The following MED15 variants were observed in gnomAD, a reference collection of about 807,000 sequenced individuals.
MED15 encodes mediator of RNA polymerase II transcription subunit 15.
In MED15, 41 loss-of-function variants were observed where a neutral mutation model predicts 118.7. The observed-to-expected ratio is 0.35, with a 90% CI of 0.27 to 0.45. MED15 has a LOEUF of 0.45. MED15 is among the 20% of genes least tolerant of loss of function. The probability of loss-of-function intolerance (pLI) is 1.00; values close to 1 mark genes in which losing one functional copy is unlikely to be tolerated. For missense variants in MED15, 740 were observed against 1,025.5 expected (o/e 0.72, Z 3.80); for synonymous variants, 436 against 413.9 (o/e 1.05, Z -0.65).
At chr22:20,533,568 T>TGGAGGAGCGCCTTGCC (rs1569187329) in intron 1 of MED15, among the ~76,000 whole-genome samples, 2 of 152,152 alleles carry the variant, frequency 1.3e-5, no homozygotes, top group African/African-American at 4.8e-5. Context: ...GTAGCCTTGC[T>TGGAGGAGCGCCTTGCC]GGAGGAGCGC....
At chr22:20,571,063 C>G (rs1327085191) in intron 8 of MED15, among the ~76,000 whole-genome samples, 1 of 152,132 alleles carries the variant, frequency 6.6e-6, no homozygotes, top group Non-Finnish European at 1.5e-5. Flanking sequence ...CCCAGCCGAA[C>G]TTTCCTTTTC....
chr22:20,509,589 G>A (rs188374139), intron 1 of MED15, among the ~76,000 whole-genome samples: 112 of 152,028 alleles, frequency 7.4e-4, no homozygotes, highest in African/African-American at 2.6e-3. Context: ...GAGGGGGGTG[G>A]GGTGTGGGGT....
At chr22:20,549,123 C>T (rs886319) in intron 2 of MED15, among the ~76,000 whole-genome samples, 108,205 of 152,024 alleles carry the variant, frequency 0.71, 38,748 homozygotes, top group Admixed American at 0.8. Context: ...TTTAAGGTTT[C>T]TGTTTTCTTA....
In MED15 at chr22:20,564,544, G is replaced by A. The variant is rs763972077; in HGVS notation, c.546G>A (p.Gln182=). Residue 182 remains glutamine (Q), a synonymous_variant, in exon 6 of 18, where the codon CAG becomes CAA. Transcript: ENST00000263205. Reference sequence around the variant, plus strand: ...AGGCGGCGCTACAGCAGCAGCAGCAGCAGCAGCAACAGCAGCAGTTCCAGG... The same window carrying A: ...AGGCGGCGCTACAGCAGCAGCAGCAACAGCAGCAACAGCAGCAGTTCCAGG... ...QQQAALQQQQ[Q]QQQQQQFQAQ... 9.3e-5 allele frequency: 149 copies of A among 1,605,986 alleles called. No homozygotes were observed. Among genetic ancestry groups the A allele is most frequent in the South Asian group, 1.8e-4 (16 of 90,828 alleles).
chr22:20,583,494 C>G (rs1462045110), intron 13 of MED15, 101 bp downstream of exon 13: 43 of 1,426,992 alleles, frequency 3.0e-5, no homozygotes, highest in Non-Finnish European at 3.3e-5. Context: ...AGGCACCAGG[C>G]AGCTCTTTGG....
intron 5 of MED15, among the ~76,000 whole-genome samples, chr22:20,559,673 A>G (rs1455138364): frequency 2.6e-5 from 4 of 152,230 alleles, no homozygotes; most frequent in Admixed American, 2.6e-4. Flanking sequence ...AAGGTAATAG[A>G]ATATTGTTAA....
chr22:20,564,426 C>T, intron 5 of MED15, 24 bp from the exon 6 acceptor site: 5 of 1,612,966 alleles, frequency 3.1e-6, no homozygotes, highest in Non-Finnish European at 4.2e-6. Flanking sequence ...TGTGGACTGA[C>T]TGGCGACTCT....
At chr22:20,555,237 GC>G in intron 5 of MED15, 89 bp downstream of exon 5, 1 of 1,281,634 alleles carries the variant, frequency 7.8e-7, no homozygotes, top group Non-Finnish European at 1.1e-6. Context: ...ATCAAGAAAA[GC>G]ATGGAGAAGC....
At chr22:20,552,399 C>T in intron 3 of MED15, 1 of 277,260 alleles carries the variant, frequency 3.6e-6, no homozygotes, top group South Asian at 3.1e-5. Flanking sequence ...TAACTTTTCA[C>T]CAGAATGGCC....
chr22:20,548,950 A>G (rs1035668957), intron 2 of MED15, among the ~76,000 whole-genome samples: 2 of 152,080 alleles, frequency 1.3e-5, no homozygotes, highest in Non-Finnish European at 2.9e-5. Context: ...GTGCTACCAC[A>G]CCAGGGTAAT....
At chr22:20,575,365 TC>T in intron 9 of MED15, 133 bp downstream of exon 9, 6 of 1,130,980 alleles carry the variant, frequency 5.3e-6, no homozygotes, top group South Asian at 3.8e-5. Context: ...AAACCCACAG[TC>T]CCTTTTTTTT....
chr22:20,528,810 CT>C (rs2054749850), intron 1 of MED15, among the ~76,000 whole-genome samples: 1 of 152,220 alleles, frequency 6.6e-6, no homozygotes, highest in Admixed American at 6.5e-5. Context: ...CTACCTGTGC[CT>C]TTTCAACTGG....
chr22:20,569,084 G>A (rs113464437), intron 8 of MED15, among the ~76,000 whole-genome samples: 1 of 152,162 alleles, frequency 6.6e-6, no homozygotes, highest in Non-Finnish European at 1.5e-5. Flanking sequence ...CCTGGTGCTC[G>A]CCTGCACTCA....
At chr22:20,573,206 G>T (rs968265591) in intron 8 of MED15, among the ~76,000 whole-genome samples, 2 of 152,186 alleles carry the variant, frequency 1.3e-5, no homozygotes, top group African/African-American at 4.8e-5. Context: ...CGCCTTAAGA[G>T]ATGTGCCCGC....
chr22:20,541,569 C>T (rs1458343565), intron 2 of MED15, among the ~76,000 whole-genome samples: 5 of 151,928 alleles, frequency 3.3e-5, no homozygotes, highest in Admixed American at 6.6e-5. Flanking sequence ...CTACAGCCTT[C>T]GCCTCCCAAA....
At chr22:20,555,278 A>C in intron 5 of MED15, 130 bp downstream of exon 5, 1 of 1,070,448 alleles carries the variant, frequency 9.3e-7, no homozygotes, top group Non-Finnish European at 1.3e-6. Flanking sequence ...TTTGTTTTTT[A>C]AATCTTTGTT....
chr22:20,514,387 T>C (rs74637305), intron 1 of MED15, among the ~76,000 whole-genome samples: 5,480 of 152,324 alleles, frequency 0.036, 304 homozygotes, highest in African/African-American at 0.12. Context: ...ATATTTAAGC[T>C]GTGAATGAAC....
chr22:20,543,048 C>T (rs999217825), intron 2 of MED15, among the ~76,000 whole-genome samples: 1 of 151,836 alleles, frequency 6.6e-6, no homozygotes, highest in African/African-American at 2.4e-5. Context: ...TGAGAATTTC[C>T]CAAATCATTA....
chr22:20,552,618 C>A, intron 3 of MED15: 2 of 395,046 alleles, frequency 5.1e-6, no homozygotes, highest in Admixed American at 3.5e-5. Flanking sequence ...GGCTCAGGGC[C>A]CCATGACTGC....
Sources: allele counts gnomAD v4.1 joint callset (sites outside exome capture counted in the v4.1 genomes callset), GRCh38; gene constraint gnomAD v4.1.1; transcripts MANE v1.5; gene names NCBI Gene and HGNC (gene_info 2026-07-23, HGNC 2026-07-21).